BOLA3: variants seen among roughly 807,000 people sequenced by gnomAD.
BOLA3 encodes the protein bolA-like protein 3.
A neutral mutation model predicts 14.5 loss-of-function variants in BOLA3; 8 were observed. The observed-to-expected ratio is 0.55, with a 90% CI of 0.32 to 0.99. The LOEUF is 0.99. Among genes scored for constraint, BOLA3 ranks in the 50% least tolerant of loss-of-function variants. The pLI is 0.04. For missense variants in BOLA3, 115 were observed against 138.2 expected, an observed-to-expected ratio of 0.83 and a Z score of 0.84; for synonymous variants, 42 against 45.7, an observed-to-expected ratio of 0.92 and a Z score of 0.33.
rs188810741 is a variant in BOLA3, at chr2:74,136,505, T to C, written c.259-847A>G. ...ATCAGCTATCATTAGTGTTAGTATA[T>C]TTTATGTGTGGCCCAAGAGAATTCT... On this transcript the variant is annotated intron_variant, in intron 3 of 3. Coordinates refer to ENST00000327428, the MANE Select transcript of BOLA3 (RefSeq NM_212552.3). 3.1e-3 allele frequency among the ~76,000 whole-genome samples: 471 copies of C among 152,300 alleles called. 1 individual carries two copies. Among genetic ancestry groups the C allele is most frequent in the African/African-American group, 9.3e-3 (385 of 41,550 alleles).
At chr2:74,143,322 AT>A (rs5832122) in intron 2 of BOLA3, among the ~76,000 whole-genome samples, 70,545 of 150,314 alleles carry the variant, frequency 0.47, 17,429 homozygotes, top group African/African-American at 0.63. Context: ...TGCCCAGCTA[AT>A]TTTTTTTTTG....
At chr2:74,147,266 G>A (rs1692562094) in intron 1 of BOLA3, 2 of 160,536 alleles carry the variant, frequency 1.2e-5, no homozygotes, top group African/African-American at 2.4e-5. Context: ...CAGAACCAGG[G>A]GAGAAGGAAA....
intron 3 of BOLA3, among the ~76,000 whole-genome samples, chr2:74,139,619 G>A (rs1019839466): frequency 1.3e-5 from 2 of 152,162 alleles, no homozygotes; most frequent in African/African-American, 4.8e-5. Context: ...CTTCTCATGC[G>A]ACTGTCAAAG....
At chr2:74,142,927 T>C (rs917286136) in intron 2 of BOLA3, among the ~76,000 whole-genome samples, 2 of 152,190 alleles carry the variant, frequency 1.3e-5, no homozygotes, top group Non-Finnish European at 2.9e-5. Flanking sequence ...CAGGATTTCA[T>C]CCTGGCTTTT....
chr2:74,135,731 T>C, intron 3 of BOLA3, 73 bp from the exon 4 acceptor site: 1 of 1,120,448 alleles, frequency 8.9e-7, no homozygotes, highest in African/African-American at 1.5e-5. Flanking sequence ...AGAGTATTTT[T>C]ATACAGCTCT....
At chr2:74,147,651 GTGAA>G in intron 1 of BOLA3, 166 bp downstream of exon 1, 25 of 701,632 alleles carry the variant, frequency 3.6e-5, no homozygotes, top group Middle Eastern at 3.9e-4. Context: ...TTGTCGCTGA[GTGAA>G]TGAATGAATG....
chr2:74,137,572 T>G (rs1331443831), intron 3 of BOLA3, among the ~76,000 whole-genome samples: 2 of 150,794 alleles, frequency 1.3e-5, no homozygotes, highest in Admixed American at 1.3e-4. Flanking sequence ...TCTAGTCCCA[T>G]CCCCTTATTT....
chr2:74,140,759 G>A (rs1027264690), intron 3 of BOLA3, among the ~76,000 whole-genome samples: 4 of 152,126 alleles, frequency 2.6e-5, no homozygotes, highest in African/African-American at 7.2e-5. Context: ...ACTATGTGTC[G>A]GGCAGTGTTG....
intron 2 of BOLA3, 23 bp from the exon 3 acceptor site, chr2:74,142,383 G>A (rs767377815): frequency 1.3e-6 from 2 of 1,570,362 alleles, no homozygotes; most frequent in Non-Finnish European, 1.8e-6. Flanking sequence ...TGATTCAAAA[G>A]CATTTCAATT....
intron 3 of BOLA3, among the ~76,000 whole-genome samples, chr2:74,141,076 G>C (rs572450486): frequency 9.2e-5 from 14 of 152,328 alleles, no homozygotes; most frequent in African/African-American, 3.4e-4. Context: ...ACGGGTTGGG[G>C]ATCATCTGGC....
intron 3 of BOLA3, among the ~76,000 whole-genome samples, chr2:74,137,599 T>G (rs75484979): frequency 6.6e-6 from 1 of 150,958 alleles, no homozygotes. Context: ...AAAAAAAAAA[T>G]AGAGTCTACT....
intron 3 of BOLA3, among the ~76,000 whole-genome samples, chr2:74,141,795 A>C (rs1345324505): frequency 6.6e-6 from 1 of 152,190 alleles, no homozygotes; most frequent in Non-Finnish European, 1.5e-5. Flanking sequence ...TAATATTTAA[A>C]CTGAGCCTTA....
chr2:74,141,040 G>A (rs954101960), intron 3 of BOLA3, among the ~76,000 whole-genome samples: 1 of 152,218 alleles, frequency 6.6e-6, no homozygotes, highest in African/African-American at 2.4e-5. Context: ...GGCTTGTACA[G>A]ATCTGAGAAT....
chr2:74,144,772 T>C (rs1304133552), intron 2 of BOLA3, among the ~76,000 whole-genome samples: 1 of 152,218 alleles, frequency 6.6e-6, no homozygotes, highest in Admixed American at 6.5e-5. Flanking sequence ...TCTGGGCTCA[T>C]TTCCTCTTAG....
intron 3 of BOLA3, among the ~76,000 whole-genome samples, chr2:74,137,272 T>C (rs946365568): frequency 5.9e-5 from 9 of 152,186 alleles, no homozygotes; most frequent in African/African-American, 2.2e-4. Flanking sequence ...AGTGGAGCCT[T>C]GTTTCTTGGG....
At chr2:74,140,757 T>A (rs1271165265) in intron 3 of BOLA3, among the ~76,000 whole-genome samples, 2 of 152,186 alleles carry the variant, frequency 1.3e-5, no homozygotes, top group African/African-American at 4.8e-5. Flanking sequence ...TTACTATGTG[T>A]CGGGCAGTGT....
intron 3 of BOLA3, among the ~76,000 whole-genome samples, chr2:74,138,976 G>A (rs1558820766): frequency 6.6e-6 from 1 of 152,174 alleles, no homozygotes; most frequent in Non-Finnish European, 1.5e-5. Context: ...AGGTAGGGAG[G>A]TGCTCCTGGT....
chr2:74,138,627 G>A (rs1412929458), intron 3 of BOLA3, among the ~76,000 whole-genome samples: 2 of 152,230 alleles, frequency 1.3e-5, no homozygotes, highest in Non-Finnish European at 2.9e-5. Context: ...ATGAAGAATG[G>A]GCAATCCCAG....
intron 2 of BOLA3, among the ~76,000 whole-genome samples, chr2:74,144,290 A>G (rs1356551921): frequency 6.6e-6 from 1 of 152,204 alleles, no homozygotes; most frequent in Non-Finnish European, 1.5e-5. Flanking sequence ...TACAGGCATG[A>G]GCCACTGCTC....
Sources: allele counts gnomAD v4.1 joint callset (sites outside exome capture counted in the v4.1 genomes callset), GRCh38; gene constraint gnomAD v4.1.1; transcripts MANE v1.5; gene names NCBI Gene and HGNC (gene_info 2026-07-23, HGNC 2026-07-21).